SLAMF7: variants seen among roughly 807,000 people sequenced by gnomAD.
SLAMF7 encodes the protein 19A24 protein.
SLAMF7 carries 26 observed loss-of-function variants against 34.1 expected under a neutral mutation model. That is an observed-to-expected ratio of 0.76 (90% CI 0.56 to 1.06). SLAMF7 has a LOEUF of 1.06. Among genes scored for constraint, SLAMF7 ranks in the 50% least tolerant of loss-of-function variants. The probability of loss-of-function intolerance (pLI) is 0.00; values close to 1 mark genes in which losing one functional copy is unlikely to be tolerated. For synonymous variants in SLAMF7, 171 were observed against 156.4 expected (o/e 1.09, Z -0.70); for missense variants, 399 against 402.5 (o/e 0.99, Z 0.07).
chr1:160,743,047 C>A (rs3766371), intron 1 of SLAMF7, among the ~76,000 whole-genome samples: 1 of 152,216 alleles, frequency 6.6e-6, no homozygotes, highest in Non-Finnish European at 1.5e-5. Context: ...CTCTACCCCT[C>A]TCTGGGCAGG....
At chr1:160,751,860 CTCTA>C (rs1420166280) in intron 5 of SLAMF7, 127 of 30,262 alleles carry the variant, frequency 4.2e-3, no homozygotes, top group South Asian at 7.5e-3. Context: ...CTCTCTCTCT[CTCTA>C]TATATATATA....
chr1:160,754,409 A>T lies in SLAMF7; in HGVS notation c.*1232A>T, dbSNP rs963326580. 1 of 152,594 alleles carries T rather than the reference A, an allele frequency of 6.6e-6. No individual in the cohort carries two copies. The highest frequency in any genetic ancestry group is 2.4e-5 in the African/African-American group (1 of 41,452). 9.5% of individuals were successfully genotyped at this position (152,594 alleles called of 1,614,324 possible). The stretch of plus-strand genomic sequence containing the variant: ...GGAGGTTGCAGTGAGCTGAGATGGC[A>T]CCACTGCACTCCGGCCTAGGCAACG... On this transcript the variant is annotated 3_prime_UTR_variant, in exon 7 of 7. Coordinates refer to ENST00000368043, the MANE Select transcript of SLAMF7 (RefSeq NM_021181.5).
chr1:160,753,052 G>A lies in SLAMF7; in HGVS notation c.937-54G>A, dbSNP rs113068043. ...CCTGGATGTCAGGGTCTCCATGGAC[G>A]ATCCAGAGCCCTGCTCACCTCCCTC... On this transcript the variant is annotated intron_variant, in intron 6 of 6. Transcript: ENST00000368043. 3,613 of 1,544,008 alleles carry A rather than the reference G, an allele frequency of 2.3e-3. 88 individuals carry two copies. In the African/African-American group the frequency reaches 0.043, roughly 18 times the overall value.
At chr1:160,741,333 GA>G (rs1348785147) in intron 1 of SLAMF7, among the ~76,000 whole-genome samples, 4 of 152,196 alleles carry the variant, frequency 2.6e-5, no homozygotes, top group Non-Finnish European at 4.4e-5. Flanking sequence ...AAACAAGGAA[GA>G]GGGGGCAGGA....
rs1664285776 is a variant in SLAMF7, at chr1:160,748,239, G to A, written c.101G>A (p.Gly34Asp). The A allele has an allele frequency of 1.2e-6, 2 of 1,613,952 alleles. No homozygotes were observed. The highest frequency in any genetic ancestry group is 1.7e-6 in the Non-Finnish European group (2 of 1,179,966). Reference sequence around the variant, plus strand: ...GTGAAAGAGCTGGTCGGTTCCGTTGGTGGGGCCGTGACTTTCCCCCTGAAG... The same window carrying A: ...GTGAAAGAGCTGGTCGGTTCCGTTGATGGGGCCGTGACTTTCCCCCTGAAG... Reference protein sequence around the residue: ...GPVKELVGSVGGAVTFPLKSK... With the variant: ...GPVKELVGSVDGAVTFPLKSK... Residue 34 changes from glycine (G) to aspartate (D), a missense_variant, in exon 2 of 7, where the codon GGT becomes GAT. Transcript: ENST00000368043.
intron 2 of SLAMF7, 144 bp from the exon 3 acceptor site, chr1:160,749,677 C>T (rs530654653): frequency 8.7e-5 from 54 of 622,748 alleles, no homozygotes; most frequent in East Asian, 4.4e-4. Context: ...TTTCCAGATA[C>T]GAATGAGGAT....
intron 1 of SLAMF7, among the ~76,000 whole-genome samples, chr1:160,740,541 G>A (rs780412192): frequency 8.5e-5 from 13 of 152,150 alleles, no homozygotes; most frequent in Non-Finnish European, 1.5e-4. Context: ...AACTTCCAGT[G>A]GGCAGGGCAG....
intron 6 of SLAMF7, 101 bp from the exon 7 acceptor site, chr1:160,753,005 G>C: frequency 9.1e-7 from 1 of 1,097,878 alleles, no homozygotes; most frequent in Non-Finnish European, 1.4e-6. Context: ...ATTTGGGTTG[G>C]GTAACCTTGG....
At chr1:160,741,042 C>A (rs144111288) in intron 1 of SLAMF7, among the ~76,000 whole-genome samples, 2 of 152,282 alleles carry the variant, frequency 1.3e-5, no homozygotes, top group East Asian at 1.9e-4. Context: ...GTTGGGGTTT[C>A]TTCCCTCTCC....
Position 160,753,508 on chromosome 1 carries a change from G to A in SLAMF7, c.*331G>A, listed in dbSNP as rs576623882. 1.1e-4 allele frequency: 30 copies of A among 264,432 alleles called. No individual in the cohort carries two copies. The highest frequency in any genetic ancestry group is 2.0e-4 in the Non-Finnish European group (27 of 138,198). The allele number at this position is 264,432 out of a possible 1,614,324, so 16.4% of individuals were successfully genotyped here. A position where few individuals can be genotyped will look rare whatever the true frequency, so the allele number is the denominator to read the frequency against. Reference sequence around the variant, plus strand: ...TCACACATATTAATGACAGCCTGTTGTATTAATGATGGCTCCAGGTCAGTG... The same window carrying A: ...TCACACATATTAATGACAGCCTGTTATATTAATGATGGCTCCAGGTCAGTG... On this transcript the variant is annotated 3_prime_UTR_variant, in exon 7 of 7. Transcript: ENST00000368043.
intron 1 of SLAMF7, among the ~76,000 whole-genome samples, chr1:160,742,653 G>A (rs970011314): frequency 5.3e-5 from 8 of 152,120 alleles, no homozygotes; most frequent in Non-Finnish European, 7.3e-5. Flanking sequence ...TTTATTTCTC[G>A]TATGAGGGTT....
chr1:160,752,347 T>C, intron 6 of SLAMF7, 99 bp downstream of exon 6: 1 of 897,666 alleles, frequency 1.1e-6, no homozygotes, highest in Non-Finnish European at 1.8e-6. Context: ...TCTCATACTC[T>C]CTAGAATTAA....
chr1:160,753,128 T>C lies in SLAMF7; in HGVS notation c.959T>C (p.Leu320Pro). 6.2e-7 allele frequency: 1 copy of C among 1,613,660 alleles called. No homozygotes were observed. Among genetic ancestry groups the C allele is most frequent in the Non-Finnish European group, 8.5e-7 (1 of 1,179,956 alleles). The change falls in exon 7 of 7, where the codon CTC becomes CCC. Residue 320 changes from leucine (L) to proline (P), a missense_variant. Coordinates refer to ENST00000368043, the MANE Select transcript of SLAMF7 (RefSeq NM_021181.5). ...PKKMENPHSL[L>P]TMPDTPRLFA... is the part of the protein sequence containing the mutation. Reference sequence around the variant, plus strand: ...CAGATGGAAAATCCCCACTCACTGCTCACGATGCCAGACACACCAAGGCTA... The same window carrying C: ...CAGATGGAAAATCCCCACTCACTGCCCACGATGCCAGACACACCAAGGCTA...
intron 1 of SLAMF7, among the ~76,000 whole-genome samples, chr1:160,742,073 C>T (rs1432619242): frequency 6.6e-6 from 1 of 152,112 alleles, no homozygotes; most frequent in Non-Finnish European, 1.5e-5. Flanking sequence ...AGTCTTCCTG[C>T]TTTATCACCA....
At chr1:160,743,688 G>C (rs1277161088) in intron 1 of SLAMF7, among the ~76,000 whole-genome samples, 1 of 152,180 alleles carries the variant, frequency 6.6e-6, no homozygotes, top group Non-Finnish European at 1.5e-5. Context: ...CTTGTGGGTA[G>C]AGGTTGGTAG....
chr1:160,748,150 A>G (rs1169009573), intron 1 of SLAMF7, 44 bp from the exon 2 acceptor site: 1 of 1,583,932 alleles, frequency 6.3e-7, no homozygotes, highest in Non-Finnish European at 8.6e-7. Context: ...ATTGGTGACA[A>G]GGACAGGGAA....
chr1:160,753,268 A>T lies in SLAMF7; in HGVS notation c.*91A>T. Reference sequence around the variant, plus strand: ...CAGAAGAATTCACTGATTTGACTAGAAACATCAAGGAAGAATGAAGAACGT... The same window carrying T: ...CAGAAGAATTCACTGATTTGACTAGTAACATCAAGGAAGAATGAAGAACGT... On this transcript the variant is annotated 3_prime_UTR_variant, in exon 7 of 7. Transcript: ENST00000368043. 1 of 1,094,806 alleles carries T rather than the reference A, an allele frequency of 9.1e-7. No homozygotes were observed. Among genetic ancestry groups the T allele is most frequent in the Non-Finnish European group, 1.4e-6 (1 of 737,476 alleles). The allele number at this position is 1,094,806 out of a possible 1,614,324, so 67.8% of individuals were successfully genotyped here.
At position 160,752,336 on chromosome 1, in the gene SLAMF7, A is replaced by G. The variant is rs112719419; in HGVS notation, c.936+88A>G. 1,215 of 1,008,446 alleles carry G rather than the reference A, an allele frequency of 1.2e-3. 4 individuals carry two copies. Among genetic ancestry groups the G allele is most frequent in the Middle Eastern group, 5.6e-3 (19 of 3,374 alleles). The allele number at this position is 1,008,446 out of a possible 1,614,324, so 62.5% of individuals were successfully genotyped here. ...AGGTCAAAATTTCTTGGACCCAGGT[A>G]TCTCATACTCTCTAGAATTAAAAAG... On this transcript the variant is annotated intron_variant, in intron 6 of 6. Coordinates refer to ENST00000368043, the MANE Select transcript of SLAMF7 (RefSeq NM_021181.5).
At position 160,753,296 on chromosome 1, in the gene SLAMF7, A is replaced by C. The variant is rs993430832; in HGVS notation, c.*119A>C. 4 of 835,612 alleles carry C rather than the reference A, an allele frequency of 4.8e-6. No individual in the cohort carries two copies. In the African/African-American group the frequency reaches 6.9e-5, roughly 14 times the overall value. 51.8% of individuals were successfully genotyped at this position (835,612 alleles called of 1,614,324 possible). On this transcript the variant is annotated 3_prime_UTR_variant, in exon 7 of 7. Coordinates refer to ENST00000368043, the MANE Select transcript of SLAMF7 (RefSeq NM_021181.5). ...CATCAAGGAAGAATGAAGAACGTTG[A>C]CTTTTTTCCAGGATAAATTATCTCT...
Sources: allele counts gnomAD v4.1 joint callset (sites outside exome capture counted in the v4.1 genomes callset), GRCh38; gene constraint gnomAD v4.1.1; transcripts MANE v1.5; gene names NCBI Gene and HGNC (gene_info 2026-07-23, HGNC 2026-07-21).